ADCY10: variants seen among roughly 807,000 people sequenced by gnomAD.
The protein encoded by ADCY10 is adenylate cyclase 10.
Under a neutral mutation model 183.3 loss-of-function variants are expected in ADCY10, and 156 were observed. The observed-to-expected ratio is 0.85, with a 90% confidence interval of 0.75 to 0.97. The LOEUF is 0.97. Ranked by LOEUF, ADCY10 falls within the 50% of genes least tolerant of loss-of-function variation. The pLI, the probability that ADCY10 is intolerant of heterozygous loss-of-function variation, is 0.00. For synonymous variants in ADCY10, 645 were observed against 670.0 expected (o/e 0.96, Z 0.58); for missense variants, 1,745 against 1,934.3 (o/e 0.90, Z 1.84).
rs35986349 is a variant in ADCY10 at position 167,837,404 on chromosome 1, C to G, written c.3008-86G>C. The G allele has an allele frequency of 0.11, 137,250 of 1,265,082 alleles. 9,556 individuals are homozygous for G. Among genetic ancestry groups the G allele is most frequent in the African/African-American group, 0.27 (18,422 of 67,602 alleles). The allele number at this position is 1,265,082 out of a possible 1,614,324, so 78.4% of individuals were successfully genotyped here. A position where few individuals can be genotyped will look rare whatever the true frequency, so the allele number is the denominator to read the frequency against. On this transcript the variant is annotated intron_variant, in intron 21 of 32. Coordinates refer to ENST00000367851, the MANE Select transcript of ADCY10 (RefSeq NM_018417.6). ...TGCTGTCTACCCAAGACTCTTGTTC[C>G]CTTTTCGGAGTTGTTGCTGCCCAGC...
In ADCY10 at chr1:167,856,167, G is replaced by A. The variant is rs1665873801; in HGVS notation, c.2169C>T (p.Asp723=). ...CAGAATAGAAAGAGGTTACTTACGAGTCCAGTTCTTTGGAGATGCAGCTCA... is the reference window on the plus strand; with the variant it reads ...CAGAATAGAAAGAGGTTACTTACGAATCCAGTTCTTTGGAGATGCAGCTCA... The part of the protein sequence containing the change: ...LNVSCISKEL[D]SYLGEGSCGI... Residue 723 remains aspartate (D), a splice_region_variant and synonymous_variant, in exon 17 of 33, where the codon GAC becomes GAT. Coordinates refer to ENST00000367851, the MANE Select transcript of ADCY10 (RefSeq NM_018417.6). 1 of 1,613,966 alleles carries A rather than the reference G, an allele frequency of 6.2e-7. No individual in the cohort carries two copies. The highest frequency in any genetic ancestry group is 8.5e-7 in the Non-Finnish European group (1 of 1,179,844).
chr1:167,886,880 G>A (rs1295294966), intron 8 of ADCY10, among the ~76,000 whole-genome samples: 1 of 152,166 alleles, frequency 6.6e-6, no homozygotes, highest in Admixed American at 6.5e-5. Flanking sequence ...CAAAAAGTGG[G>A]CAAAGGATAT....
chr1:167,898,391 G>T (rs1669152626), intron 6 of ADCY10, among the ~76,000 whole-genome samples: 1 of 152,004 alleles, frequency 6.6e-6, no homozygotes, highest in African/African-American at 2.4e-5. Context: ...ACGAAGTCAG[G>T]AGTTCAAGAC....
At chr1:167,911,758 T>C (rs1480114327) in intron 1 of ADCY10, among the ~76,000 whole-genome samples, 2 of 152,242 alleles carry the variant, frequency 1.3e-5, no homozygotes, top group East Asian at 3.8e-4. Flanking sequence ...TTTATGGCAT[T>C]GGAGAACAAG....
chr1:167,872,828 T>C (rs1347182239), intron 13 of ADCY10, among the ~76,000 whole-genome samples: 1 of 150,304 alleles, frequency 6.7e-6, no homozygotes, highest in African/African-American at 2.5e-5. Flanking sequence ...TCCCAGCACT[T>C]TGGGAGGCCA....
At chr1:167,821,465 G>C (rs1225199328) in intron 30 of ADCY10, among the ~76,000 whole-genome samples, 2 of 152,242 alleles carry the variant, frequency 1.3e-5, no homozygotes, top group Non-Finnish European at 2.9e-5. Context: ...TCTATCTTGA[G>C]AGCCAGTGAA....
chr1:167,878,779 C>T, intron 11 of ADCY10, 144 bp from the exon 12 acceptor site: 1 of 809,230 alleles, frequency 1.2e-6, no homozygotes, highest in South Asian at 1.6e-5. Context: ...GTCTCAAGAC[C>T]CATATTCAGC....
intron 14 of ADCY10, among the ~76,000 whole-genome samples, chr1:167,864,798 G>A (rs753812281): frequency 1.3e-5 from 2 of 151,252 alleles, no homozygotes; most frequent in East Asian, 1.9e-4. Flanking sequence ...GGCGTATCCC[G>A]AAAGCACTGA....
chr1:167,879,262 C>T (rs1360521342), intron 11 of ADCY10, among the ~76,000 whole-genome samples: 5 of 152,176 alleles, frequency 3.3e-5, no homozygotes, highest in African/African-American at 1.2e-4. Flanking sequence ...ATAATAGTAA[C>T]TCTCTGAGAG....
chr1:167,810,792 T>A lies in ADCY10; in HGVS notation c.4604A>T (p.Asn1535Ile). 6.2e-7 allele frequency: 1 copy of A among 1,614,220 alleles called. No homozygotes were observed. The highest frequency in any genetic ancestry group is 8.5e-7 in the Non-Finnish European group (1 of 1,180,034). The stretch of plus-strand genomic sequence containing the variant: ...TGTTTCAGAGAGCCGCAAGGCTGTG[T>A]TCAGGAAGAGGCCACATTTCTGCCC... ...GDGQKCGLFL[N>I]TALRLSETQG... Residue 1535 changes from asparagine (N) to isoleucine (I), a missense_variant, in exon 32 of 33, where the codon AAC becomes ATC. Transcript: ENST00000367851.
At chr1:167,842,591 C>A (rs1196335114) in intron 21 of ADCY10, among the ~76,000 whole-genome samples, 14 of 146,258 alleles carry the variant, frequency 9.6e-5, no homozygotes, top group East Asian at 6.1e-4. Flanking sequence ...GAAGACACTG[C>A]AAAAAAAAAA....
Position 167,870,441 on chromosome 1 carries a change from C to T in ADCY10, c.1463-31G>A, listed in dbSNP as rs75383572. 0.077 allele frequency: 120,799 copies of T among 1,561,530 alleles called. 5,196 individuals are homozygous for T. The highest frequency in any genetic ancestry group is 0.14 in the Middle Eastern group (695 of 4,968). Reference sequence around the variant, plus strand: ...ATTTTTAGTTTTAAAAAAGAGCAAACTCAATCAACGTAAAATAGTCTAGAG... The same window carrying T: ...ATTTTTAGTTTTAAAAAAGAGCAAATTCAATCAACGTAAAATAGTCTAGAG... On this transcript the variant is annotated intron_variant, in intron 13 of 32. Transcript: ENST00000367851.
intron 31 of ADCY10, among the ~76,000 whole-genome samples, chr1:167,814,054 A>C (rs1228818431): frequency 6.6e-6 from 1 of 152,168 alleles, no homozygotes; most frequent in Non-Finnish European, 1.5e-5. Flanking sequence ...ACACTAGTTC[A>C]GGAAATGAGG....
rs1339299760 is a variant in ADCY10 at position 167,845,670 on chromosome 1, C to T, written c.2900G>A (p.Cys967Tyr). 1 of 1,614,276 alleles carries T rather than the reference C, an allele frequency of 6.2e-7. No individual in the cohort carries two copies. The highest frequency in any genetic ancestry group is 2.2e-5 in the East Asian group (1 of 44,890). Reference protein sequence around the residue: ...LEEDAHRCDHCRGRDFIPYHH... With the variant: ...LEEDAHRCDHYRGRDFIPYHH... ...ATAGGGAATGAAGTCCCTGCCTCGGCAGTGGTCACATCTGTGGGCATCTTC... is the reference window on the plus strand; with the variant it reads ...ATAGGGAATGAAGTCCCTGCCTCGGTAGTGGTCACATCTGTGGGCATCTTC... Residue 967 changes from cysteine (C) to tyrosine (Y), a missense_variant, in exon 21 of 33, where the codon TGC becomes TAC. Coordinates refer to ENST00000367851, the MANE Select transcript of ADCY10 (RefSeq NM_018417.6).
chr1:167,869,579 T>C (rs150806943), intron 14 of ADCY10, among the ~76,000 whole-genome samples: 1,736 of 152,290 alleles, frequency 0.011, 31 homozygotes, highest in African/African-American at 0.038. Context: ...GTAGTTAAAA[T>C]TCGACCCCTG....
At chr1:167,900,561 T>C (rs561085128) in intron 5 of ADCY10, among the ~76,000 whole-genome samples, 3 of 152,246 alleles carry the variant, frequency 2.0e-5, no homozygotes, top group South Asian at 4.1e-4. Context: ...AGATGGAGTT[T>C]CACGCTTGTT....
intron 21 of ADCY10, among the ~76,000 whole-genome samples, chr1:167,840,227 G>C (rs1044373909): frequency 1.4e-5 from 2 of 142,144 alleles, no homozygotes; most frequent in Non-Finnish European, 3.1e-5. Flanking sequence ...GCAAGACCCT[G>C]TCTCAAAAAA....
intron 1 of ADCY10, among the ~76,000 whole-genome samples, chr1:167,912,943 G>T (rs1424091295): frequency 6.6e-6 from 1 of 152,188 alleles, no homozygotes; most frequent in African/African-American, 2.4e-5. Context: ...TGTGGGACTT[G>T]AAAGTCCCTG....
At chr1:167,880,402 C>G in intron 10 of ADCY10, 89 bp downstream of exon 10, 1 of 1,082,648 alleles carries the variant, frequency 9.2e-7, no homozygotes, top group African/African-American at 1.5e-5. Flanking sequence ...TTAATTAATT[C>G]TTCTTTCTTT....
Sources: gnomAD v4.1 joint callset for allele counts (sites outside exome capture counted in the v4.1 genomes callset) on GRCh38, gnomAD v4.1.1 for gene constraint, MANE v1.5 for transcripts, NCBI Gene and HGNC (gene_info 2026-07-23, HGNC 2026-07-21) for gene names.